ABCC2: variants seen among roughly 807,000 people sequenced by gnomAD.
ABCC2 encodes ATP binding cassette subfamily C member 2, also known as ATP-binding cassette sub-family C member 2.
ABCC2 carries 157 observed loss-of-function variants against 173.4 expected under a neutral mutation model. The ratio of observed to expected loss-of-function variants is 0.91; its 90% confidence interval spans 0.80 to 1.03. The LOEUF (loss-of-function observed/expected upper bound fraction) is 1.03. Ranked by LOEUF, ABCC2 falls within the 50% of genes least tolerant of loss-of-function variation. ABCC2 has a pLI of 0.00. For synonymous variants in ABCC2, 657 were observed against 693.5 expected (o/e 0.95, Z 0.83); for missense variants, 1,822 against 1,852.3 (o/e 0.98, Z 0.30).
rs373967663 is a variant in ABCC2, at chr10:99,836,341, T to C, written c.3614+51T>C. ...CATGTGTGTACTTTGGGGTTCTATA[T>C]GTTTGATATTAGCGGTGGGAGGGCA... is the stretch of plus-strand genomic sequence containing the variant. On this transcript the variant is annotated intron_variant, in intron 25 of 31. Transcript: ENST00000647814. The C allele has an allele frequency of 7.2e-5, 114 of 1,591,836 alleles. No individual in the cohort carries two copies. In the African/African-American group the frequency reaches 1.2e-3, roughly 16 times the overall value.
chr10:99,806,851 CA>C (rs1197138247), intron 11 of ABCC2, among the ~76,000 whole-genome samples: 1 of 152,164 alleles, frequency 6.6e-6, no homozygotes, highest in Non-Finnish European at 1.5e-5. Context: ...AAAAATGAAA[CA>C]GAGCCCCCTT....
Position 99,782,759 on chromosome 10 carries a change from C to G in ABCC2, c.-86C>G. On this transcript the variant is annotated 5_prime_UTR_variant, in exon 1 of 32. Transcript: ENST00000647814. The stretch of plus-strand genomic sequence containing the variant: ...ATCAGAATGGTAGATAATTCCTGTT[C>G]CACTTTCTTTGATGAAACAAGTAAA... 1 of 1,446,904 alleles carries G rather than the reference C, an allele frequency of 6.9e-7. No individual in the cohort carries two copies. Among genetic ancestry groups the G allele is most frequent in the Admixed American group, 1.7e-5 (1 of 59,120 alleles). 89.6% of individuals were successfully genotyped at this position (1,446,904 alleles called of 1,614,324 possible). A position where few individuals can be genotyped will look rare whatever the true frequency, so the allele number is the denominator to read the frequency against.
chr10:99,782,914 C>A (rs775146520), intron 1 of ABCC2, 37 bp downstream of exon 1: 1 of 1,608,616 alleles, frequency 6.2e-7, no homozygotes, highest in African/African-American at 1.3e-5. Flanking sequence ...TGACTCTTCT[C>A]AGACTCAGAA....
At chr10:99,813,540 ACT>A (rs2038253983) in intron 16 of ABCC2, among the ~76,000 whole-genome samples, 1 of 152,010 alleles carries the variant, frequency 6.6e-6, no homozygotes, top group South Asian at 2.1e-4. Flanking sequence ...ACATGGTGAA[ACT>A]CTGTCTCTAC....
rs770123195 is a variant in ABCC2 at position 99,793,903 on chromosome 10, T to A, written c.480T>A (p.Ser160=). The stretch of plus-strand genomic sequence containing the variant: ...TTTTTTCCTCATAGGGTGACAATTC[T>A]AATCTAGCCTACTCCTGCCTGTTCT... ...LIRTLLQGDN[S]NLAYSCLFFI... Residue 160 remains serine, a synonymous_variant, in exon 5 of 32, where the codon TCT becomes TCA. Coordinates refer to ENST00000647814, the MANE Select transcript of ABCC2 (RefSeq NM_000392.5). The A allele has an allele frequency of 5.0e-6, 8 of 1,613,712 alleles. No individual in the cohort carries two copies. The East Asian group carries it at 1.8e-4, about 36-fold the overall frequency.
chr10:99,795,608 A>G (rs1320840144), intron 6 of ABCC2, among the ~76,000 whole-genome samples: 1 of 151,930 alleles, frequency 6.6e-6, no homozygotes, highest in Non-Finnish European at 1.5e-5. Flanking sequence ...CTGAGACAGA[A>G]GAATTGCTTG....
At chr10:99,789,349 T>A (rs2037772960) in intron 2 of ABCC2, 1 of 151,638 alleles carries the variant, frequency 6.6e-6, no homozygotes, top group South Asian at 2.1e-4. Context: ...GGTGAAAGAG[T>A]CCCTAGAATT....
intron 19 of ABCC2, among the ~76,000 whole-genome samples, chr10:99,828,827 C>G (rs1263532315): frequency 6.6e-6 from 1 of 151,974 alleles, no homozygotes; most frequent in Non-Finnish European, 1.5e-5. Context: ...ACATCTCTGC[C>G]TTAGCCTTCA....
chr10:99,794,355 G>A, intron 5 of ABCC2, 58 bp from the exon 6 acceptor site: 15 of 1,436,706 alleles, frequency 1.0e-5, no homozygotes, highest in Non-Finnish European at 1.5e-5. Context: ...TGATTTTAGA[G>A]TCCCATGAAG....
At chr10:99,820,886 GAC>G (rs1264703160) in intron 19 of ABCC2, among the ~76,000 whole-genome samples, 2 of 152,212 alleles carry the variant, frequency 1.3e-5, no homozygotes, top group African/African-American at 4.8e-5. Context: ...AAAAGAAAAA[GAC>G]ACAGAGACAA....
intron 7 of ABCC2, chr10:99,798,021 G>A (rs920505831): frequency 2.6e-5 from 4 of 155,132 alleles, no homozygotes; most frequent in African/African-American, 9.6e-5. Context: ...GGGTGCGCAT[G>A]GGGTGAGATG....
intron 18 of ABCC2, 48 bp from the exon 19 acceptor site, chr10:99,819,041 A>G: frequency 6.2e-7 from 1 of 1,612,714 alleles, no homozygotes; most frequent in Non-Finnish European, 8.5e-7. Flanking sequence ...AAGACAGGGA[A>G]GATGGTGGAC....
chr10:99,835,357 T>G (rs1564697185), intron 24 of ABCC2, among the ~76,000 whole-genome samples: 1 of 152,114 alleles, frequency 6.6e-6, no homozygotes, highest in South Asian at 2.1e-4. Flanking sequence ...GCAGGGTTAT[T>G]GGAGGGAACA....
chr10:99,834,353 G>A (rs1289108790), intron 23 of ABCC2, 27 bp from the exon 24 acceptor site: 2 of 1,612,712 alleles, frequency 1.2e-6, no homozygotes, highest in Non-Finnish European at 8.5e-7. Flanking sequence ...CTCAGTGATG[G>A]TGTATCTCTC....
chr10:99,851,454 T>A, intron 31 of ABCC2, 48 bp from the exon 32 acceptor site: 1 of 1,612,134 alleles, frequency 6.2e-7, no homozygotes, highest in Non-Finnish European at 8.5e-7. Flanking sequence ...ATGCCTAGAC[T>A]TGAGATGCTG....
chr10:99,832,954 T>C (rs545814828), intron 23 of ABCC2, among the ~76,000 whole-genome samples: 23 of 152,208 alleles, frequency 1.5e-4, no homozygotes, highest in Non-Finnish European at 2.1e-4. Flanking sequence ...GTATCTGAGA[T>C]GGGAATTCAG....
At position 99,797,178 on chromosome 10, in the gene ABCC2, A is replaced by G. The variant is rs2037930456; in HGVS notation, c.714A>G (p.Leu238=). Residue 238 remains leucine, a synonymous_variant, in exon 7 of 32, where the codon TTA becomes TTG. Coordinates refer to ENST00000647814, the MANE Select transcript of ABCC2 (RefSeq NM_000392.5). ...EVDEEMKTKT[L]VSKFETHMKR... ...ATGAAGAGATGAAAACCAAGACATTAGTGAGCAAGTTTGAAACGCACATGA... is the reference window on the plus strand; with the variant it reads ...ATGAAGAGATGAAAACCAAGACATTGGTGAGCAAGTTTGAAACGCACATGA... 1 of 1,614,076 alleles carries G rather than the reference A, an allele frequency of 6.2e-7. No homozygotes were observed.
At chr10:99,826,396 C>G (rs143232840) in intron 19 of ABCC2, among the ~76,000 whole-genome samples, 103 of 142,400 alleles carry the variant, frequency 7.2e-4, no homozygotes, top group South Asian at 1.1e-3. Context: ...TCCACTATGA[C>G]CTTACGGGCT....
intron 23 of ABCC2, among the ~76,000 whole-genome samples, chr10:99,832,846 G>A (rs112204442): frequency 1.4e-4 from 21 of 152,278 alleles, no homozygotes; most frequent in African/African-American, 3.8e-4. Flanking sequence ...CACTTTCTAT[G>A]AGCCAACTAC....
Sources: gnomAD v4.1 joint callset for allele counts (sites outside exome capture counted in the v4.1 genomes callset) on GRCh38, gnomAD v4.1.1 for gene constraint, MANE v1.5 for transcripts, NCBI Gene and HGNC (gene_info 2026-07-23, HGNC 2026-07-21) for gene names.